The following ZNF770 variants were observed in gnomAD, a reference collection of about 807,000 sequenced individuals.
ZNF770 encodes zinc finger protein 770.
Under a neutral mutation model 44.8 loss-of-function variants are expected in ZNF770, and 13 were observed. The ratio of observed to expected loss-of-function variants is 0.29; its 90% confidence interval spans 0.19 to 0.46. The LOEUF is 0.46. Ranked by LOEUF, ZNF770 falls within the 20% of genes least tolerant of loss-of-function variation. The pLI, the probability that ZNF770 is intolerant of heterozygous loss-of-function variation, is 1.00. For missense variants in ZNF770, 681 were observed against 797.9 expected, an observed-to-expected ratio of 0.85 and a Z score of 1.77; for synonymous variants, 304 against 271.8, an observed-to-expected ratio of 1.12 and a Z score of -1.17.
chr15:34,983,937 C>A (rs1420040454), intron 2 of ZNF770, among the ~76,000 whole-genome samples: 1 of 145,804 alleles, frequency 6.9e-6, no homozygotes, highest in Non-Finnish European at 1.5e-5. Context: ...TGTAAATATG[C>A]TCTTAGAATA....
At position 34,979,905 on chromosome 15, in the gene ZNF770, G is replaced by C. The variant is rs916004112; in HGVS notation, c.*1454C>G. The C allele has an allele frequency of 7.0e-6, 2 of 286,264 alleles. No individual in the cohort carries two copies. Among genetic ancestry groups the C allele is most frequent in the African/African-American group, 4.6e-5 (2 of 43,538 alleles). 17.7% of individuals were successfully genotyped at this position (286,264 alleles called of 1,614,324 possible). A position where few individuals can be genotyped will look rare whatever the true frequency, so the allele number is the denominator to read the frequency against. ...AGGAAAATTTGTAATTATGAAATAAGTCCTTTGTAGTAAAGAATATTTCCC... is the reference window on the plus strand; with the variant it reads ...AGGAAAATTTGTAATTATGAAATAACTCCTTTGTAGTAAAGAATATTTCCC... On this transcript the variant is annotated 3_prime_UTR_variant, in exon 3 of 3. Coordinates refer to ENST00000356321, the MANE Select transcript of ZNF770 (RefSeq NM_014106.4).
In ZNF770 at chr15:34,982,527, A is replaced by G; in HGVS notation, c.908T>C (p.Phe303Ser). ...PFQCPKCEKC[F>S]ESEQILNEHS... The stretch of plus-strand genomic sequence containing the variant: ...TTCATTGAGAATCTGCTCTGATTCA[A>G]AACACTTTTCACACTTTGGACATTG... The change falls in exon 3 of 3, where the codon TTT becomes TCT. Residue 303 changes from phenylalanine (F) to serine (S), a missense_variant. Phe to Ser is a radical substitution (Grantham distance 155). Coordinates refer to ENST00000356321, the MANE Select transcript of ZNF770 (RefSeq NM_014106.4). 1 of 1,614,050 alleles carries G rather than the reference A, an allele frequency of 6.2e-7. No individual in the cohort carries two copies. Among genetic ancestry groups the G allele is most frequent in the Non-Finnish European group, 8.5e-7 (1 of 1,180,006 alleles).
intron 2 of ZNF770, among the ~76,000 whole-genome samples, chr15:34,985,968 T>C (rs752819335): frequency 1.8e-4 from 27 of 152,022 alleles, no homozygotes; most frequent in Non-Finnish European, 3.5e-4. Flanking sequence ...CTGCATACTA[T>C]ATAGCAAGGA....
At position 34,983,174 on chromosome 15, in the gene ZNF770, C is replaced by G; in HGVS notation, c.261G>C (p.Gln87His). Residue 87 changes from glutamine to histidine, a missense_variant, in exon 3 of 3, where the codon CAG becomes CAC. Gln to His is a conservative substitution (Grantham distance 24, BLOSUM62 0). Transcript: ENST00000356321. ...ATGTCTTCAGATTTTTAAAGTGACGCTGACAAATACTACATTTAAAAGGCA... is the reference window on the plus strand; with the variant it reads ...ATGTCTTCAGATTTTTAAAGTGACGGTGACAAATACTACATTTAAAAGGCA... The part of the protein sequence containing the change: ...HSLPFKCSIC[Q>H]RHFKNLKTFV... 1 of 1,613,852 alleles carries G rather than the reference C, an allele frequency of 6.2e-7. No individual in the cohort carries two copies.
intron 1 of ZNF770, among the ~76,000 whole-genome samples, 185 bp downstream of exon 1, chr15:34,987,931 G>A (rs1188246560): frequency 6.6e-6 from 1 of 152,166 alleles, no homozygotes; most frequent in African/African-American, 2.4e-5. Context: ...AACTGCTTTG[G>A]CTGCAGCCAG....
intron 2 of ZNF770, 46 bp downstream of exon 2, chr15:34,987,511 G>C (rs138655322): frequency 2.9e-4 from 44 of 152,316 alleles, no homozygotes; most frequent in African/African-American, 1.0e-3. Context: ...ATCCTGACAA[G>C]AACAAGATAC....
In ZNF770 at chr15:34,980,240, G is replaced by A. The variant is rs2050392151; in HGVS notation, c.*1119C>T. The A allele has an allele frequency of 6.6e-6, 1 of 152,172 alleles. No individual in the cohort carries two copies. Among genetic ancestry groups the A allele is most frequent in the Non-Finnish European group, 1.5e-5 (1 of 68,042 alleles). 9.4% of individuals were successfully genotyped at this position (152,172 alleles called of 1,614,324 possible). ...GAATAGTCTTAAGTCTATGACTACT[G>A]CTATCATTAATGAGCAAATAAATGA... On this transcript the variant is annotated 3_prime_UTR_variant, in exon 3 of 3. Coordinates refer to ENST00000356321, the MANE Select transcript of ZNF770 (RefSeq NM_014106.4).
Position 34,982,625 on chromosome 15 carries a change from A to G in ZNF770, c.810T>C (p.Phe270=), listed in dbSNP as rs368786684. ...CAGATTCACCAATCTCACCATTTTCAAAACCACCCTGATTTGCATTTAACT... is the reference window on the plus strand; with the variant it reads ...CAGATTCACCAATCTCACCATTTTCGAAACCACCCTGATTTGCATTTAACT... The part of the protein sequence containing the change: ...PNKLNANQGG[F]ENGEIGESEE... Residue 270 remains phenylalanine, a synonymous_variant, in exon 3 of 3, where the codon TTT becomes TTC. Coordinates refer to ENST00000356321, the MANE Select transcript of ZNF770 (RefSeq NM_014106.4). The G allele has an allele frequency of 6.2e-7, 1 of 1,613,066 alleles. No individual in the cohort carries two copies. The highest frequency in any genetic ancestry group is 8.5e-7 in the Non-Finnish European group (1 of 1,180,004).
Position 34,982,952 on chromosome 15 carries a change from T to C in ZNF770, c.483A>G (p.Ala161=), listed in dbSNP as rs1464609460. The C allele has an allele frequency of 1.2e-6, 2 of 1,613,986 alleles. No individual in the cohort carries two copies. Among genetic ancestry groups the C allele is most frequent in the Non-Finnish European group, 1.7e-6 (2 of 1,179,994 alleles). Residue 161 remains alanine, a synonymous_variant, in exon 3 of 3, where the codon GCA becomes GCG. Coordinates refer to ENST00000356321, the MANE Select transcript of ZNF770 (RefSeq NM_014106.4). ...GAAACATCTTGCCACAGATTGTACA[T>C]GCATGAATATTCTTTCTTCTTTTCA... The part of the protein sequence containing the change: ...YSMKRRKNIH[A]CTICGKMFPS...
chr15:34,981,491 T>G lies in ZNF770; in HGVS notation c.1944A>C (p.Ala648=), dbSNP rs759795411. Residue 648 remains alanine (A), a synonymous_variant, in exon 3 of 3, where the codon GCA becomes GCC. Transcript: ENST00000356321. The part of the protein sequence containing the change: ...SKLERHYLIH[A]GQKPFECSVC... Reference sequence around the variant, plus strand: ...CTGAGCATTCAAATGGTTTCTGCCCTGCATGAATTAGGTAGTGTCTTTCCA... The same window carrying G: ...CTGAGCATTCAAATGGTTTCTGCCCGGCATGAATTAGGTAGTGTCTTTCCA... The G allele has an allele frequency of 1.3e-5, 21 of 1,614,124 alleles. No individual in the cohort carries two copies. The Admixed American group carries it at 3.5e-4, about 27-fold the overall frequency.
At chr15:34,984,860 C>T (rs1193717773) in intron 2 of ZNF770, among the ~76,000 whole-genome samples, 2 of 151,818 alleles carry the variant, frequency 1.3e-5, no homozygotes, top group Non-Finnish European at 2.9e-5. Context: ...TGGCCCAGTG[C>T]AGTGGCTCAC....
chr15:34,981,207 C>G lies in ZNF770; in HGVS notation c.*152G>C, dbSNP rs2050399179. 1 of 727,962 alleles carries G rather than the reference C, an allele frequency of 1.4e-6. No individual in the cohort carries two copies. Among genetic ancestry groups the G allele is most frequent in the Non-Finnish European group, 2.1e-6 (1 of 467,244 alleles). The allele number at this position is 727,962 out of a possible 1,614,324, so 45.1% of individuals were successfully genotyped here. On this transcript the variant is annotated 3_prime_UTR_variant, in exon 3 of 3. Coordinates refer to ENST00000356321, the MANE Select transcript of ZNF770 (RefSeq NM_014106.4). ...GTTTCTAAAACATTGTATTAATTTT[C>G]TATGTATTCTACCTCCTTACTATGC... is the stretch of plus-strand genomic sequence containing the variant.
Position 34,981,765 on chromosome 15 carries a change from G to T in ZNF770, c.1670C>A (p.Ala557Asp). The T allele has an allele frequency of 6.2e-7, 1 of 1,614,128 alleles. No homozygotes were observed. The highest frequency in any genetic ancestry group is 8.5e-7 in the Non-Finnish European group (1 of 1,180,030). ...ACCAGGAGCCTGACATTGTTGGGAA[G>T]CATTATAGTTAACATTATTACCTGA... ...NHSGNNVNYN[A>D]SQQCQAPGVQ... Residue 557 changes from alanine (A) to aspartate (D), a missense_variant, in exon 3 of 3, where the codon GCT becomes GAT. By Grantham distance (126) the Ala-to-Asp change is moderately radical. Transcript: ENST00000356321.
intron 2 of ZNF770, 79 bp from the exon 3 acceptor site, chr15:34,983,569 G>T: frequency 1.3e-6 from 1 of 780,046 alleles, no homozygotes; most frequent in Non-Finnish European, 1.8e-6. Flanking sequence ...TTCTTTGGCT[G>T]AAGATATTAA....
At chr15:34,987,273 A>C (rs985833962) in intron 2 of ZNF770, among the ~76,000 whole-genome samples, 1 of 152,204 alleles carries the variant, frequency 6.6e-6, no homozygotes, top group African/African-American at 2.4e-5. Flanking sequence ...GTGGAAAAGC[A>C]CTTACTGGGA....
chr15:34,986,765 G>A (rs2050437392), intron 2 of ZNF770, among the ~76,000 whole-genome samples: 1 of 152,226 alleles, frequency 6.6e-6, no homozygotes, highest in South Asian at 2.1e-4. Context: ...GGAAGGTCTA[G>A]GAGTGAAAGA....
At chr15:34,987,894 C>G (rs1190776279) in intron 1 of ZNF770, among the ~76,000 whole-genome samples, 1 of 152,124 alleles carries the variant, frequency 6.6e-6, no homozygotes, top group African/African-American at 2.4e-5. Context: ...CAAAATCCCA[C>G]GCCAGGAAAG....
Position 34,982,691 on chromosome 15 carries a change from T to G in ZNF770, c.744A>C (p.Leu248Phe), listed in dbSNP as rs117858467. 4,135 of 1,612,806 alleles carry G rather than the reference T, an allele frequency of 2.6e-3. 6 individuals are homozygous for G. The highest frequency in any genetic ancestry group is 3.2e-3 in the Non-Finnish European group (3,753 of 1,179,916). ...HTRNKAFRAL[L>F]LKKRRTESRP... Reference sequence around the variant, plus strand: ...GAGATTCTGTACGCCTCTTCTTTAATAAAAGAGCCCGAAAAGCCTTATTCC... The same window carrying G: ...GAGATTCTGTACGCCTCTTCTTTAAGAAAAGAGCCCGAAAAGCCTTATTCC... The change falls in exon 3 of 3, where the codon TTA (leucine) becomes TTC (phenylalanine). Residue 248 changes from leucine (L) to phenylalanine (F), a missense_variant. Leu to Phe is a conservative substitution (Grantham distance 22). Around this residue, in one of 5 missense-constraint regions of ZNF770, gnomAD observed 432 missense variants for 434.1 expected, o/e 1.00. Coordinates refer to ENST00000356321, the MANE Select transcript of ZNF770 (RefSeq NM_014106.4).
rs1406195854 is a variant in ZNF770 at position 34,987,297 on chromosome 15, A to G, written c.-57+260T>C. Reference sequence around the variant, plus strand: ...CACTTACTGGGAGCCCTAGATTGTTAGAACCATTAGTGGCAAGTGGTGATC... The same window carrying G: ...CACTTACTGGGAGCCCTAGATTGTTGGAACCATTAGTGGCAAGTGGTGATC... On this transcript the variant is annotated intron_variant, in intron 2 of 2. Coordinates refer to ENST00000356321, the MANE Select transcript of ZNF770 (RefSeq NM_014106.4). Among the ~76,000 whole-genome samples the G allele has an allele frequency of 3.3e-5, 5 of 152,240 alleles. No individual in the cohort carries two copies. The East Asian group carries it at 9.6e-4, about 29-fold the overall frequency.
Sources: gnomAD v4.1 joint callset for allele counts (sites outside exome capture counted in the v4.1 genomes callset) on GRCh38, gnomAD v4.1.1 for gene constraint, gnomAD v4.1.1 regional missense constraint, MANE v1.5 for transcripts, NCBI Gene and HGNC (gene_info 2026-07-23, HGNC 2026-07-21) for gene names.